DIP2C: variants seen among roughly 807,000 people sequenced by gnomAD.
DIP2C encodes the protein DIP2 acetate--CoA ligase C (putative).
In DIP2C, 33 loss-of-function variants were observed where a neutral mutation model predicts 192.4. The observed-to-expected ratio is 0.17, with a 90% CI of 0.13 to 0.23. DIP2C has a LOEUF of 0.23. DIP2C is among the 10% of genes least tolerant of loss of function. DIP2C has a pLI of 1.00. For synonymous variants in DIP2C, 979 were observed against 864.1 expected (o/e 1.13, Z -2.33); for missense variants, 1,537 against 2,110.1 (o/e 0.73, Z 5.32).
Position 329,458 on chromosome 10 carries a change from A to T in DIP2C, c.3728T>A (p.Leu1243Gln), listed in dbSNP as rs1957405005. 1 of 1,614,028 alleles carries T rather than the reference A, an allele frequency of 6.2e-7. No individual in the cohort carries two copies. Among genetic ancestry groups the T allele is most frequent in the African/African-American group, 1.3e-5 (1 of 75,046 alleles). The change falls in exon 30 of 37, where the codon CTG (leucine) becomes CAG (glutamine). Residue 1243 changes from leucine (L) to glutamine (Q), a missense_variant. Leu to Gln is a moderately radical substitution (Grantham distance 113). Coordinates refer to ENST00000280886, the MANE Select transcript of DIP2C (RefSeq NM_014974.3). ...YSVMELCTKG[L>Q]GSQTESLKAR... Reference sequence around the variant, plus strand: ...CTTGAGGGACTCTGTTTGCGAGCCCAGCCCCTTGGTGCACAGCTCCATCAC... The same window carrying T: ...CTTGAGGGACTCTGTTTGCGAGCCCTGCCCCTTGGTGCACAGCTCCATCAC...
In DIP2C at chr10:392,553, C is replaced by T. The variant is rs1052684756; in HGVS notation, c.1261-1690G>A. ...AGGCTGGGCCTGCTGCTCCTCCGCACGTGTAGAGTGCCCCCCGCGGCCCCG... is the reference window on the plus strand; with the variant it reads ...AGGCTGGGCCTGCTGCTCCTCCGCATGTGTAGAGTGCCCCCCGCGGCCCCG... On this transcript the variant is annotated intron_variant, in intron 10 of 36. Transcript: ENST00000280886. Among the ~76,000 whole-genome samples, 7 of 152,226 alleles carry T rather than the reference C, an allele frequency of 4.6e-5. No homozygotes were observed. The East Asian group carries it at 1.3e-3, about 29-fold the overall frequency.
chr10:336,870 T>TGTGTTGTGGAG (rs1957796111), intron 29 of DIP2C, among the ~76,000 whole-genome samples: 1 of 145,604 alleles, frequency 6.9e-6, no homozygotes, highest in Non-Finnish European at 1.5e-5. Flanking sequence ...CTGGTGTGTG[T>TGTGTTGTGGAG]GCGCGTGTTG....
At chr10:557,718 AG>A (rs1848963025) in intron 1 of DIP2C, among the ~76,000 whole-genome samples, 2 of 45,246 alleles carry the variant, frequency 4.4e-5, no homozygotes, top group Non-Finnish European at 8.0e-5. Context: ...GGGGATGGGC[AG>A]GGCAGGGGAG....
At chr10:573,598 T>C (rs989634258) in intron 1 of DIP2C, among the ~76,000 whole-genome samples, 1 of 152,092 alleles carries the variant, frequency 6.6e-6, no homozygotes, top group African/African-American at 2.4e-5. Context: ...TCAGTAGAGA[T>C]GGGGTTTCAC....
intron 1 of DIP2C, among the ~76,000 whole-genome samples, chr10:610,524 A>C (rs1853020148): frequency 1.3e-5 from 2 of 152,262 alleles, no homozygotes; most frequent in African/African-American, 4.8e-5. Context: ...CAATATAGGG[A>C]CGTATCAAGG....
chr10:616,304 G>T (rs951325925), intron 1 of DIP2C, among the ~76,000 whole-genome samples: 5 of 152,198 alleles, frequency 3.3e-5, no homozygotes, highest in African/African-American at 1.2e-4. Flanking sequence ...AGACAAGCAT[G>T]AATGAAAACT....
At chr10:559,827 A>AG (rs1256762930) in intron 1 of DIP2C, among the ~76,000 whole-genome samples, 1 of 152,204 alleles carries the variant, frequency 6.6e-6, no homozygotes, top group Non-Finnish European at 1.5e-5. Flanking sequence ...GCCCCTGCTC[A>AG]GGGTTCAGCA....
intron 1 of DIP2C, among the ~76,000 whole-genome samples, chr10:643,217 CAA>C (rs59131339): frequency 2.0e-5 from 2 of 99,602 alleles, no homozygotes; most frequent in African/African-American, 3.2e-5. Context: ...GACTCCGTCT[CAA>C]AAAAAAAAAA....
At chr10:426,121 G>T (rs1397240349) in intron 4 of DIP2C, among the ~76,000 whole-genome samples, 3 of 152,282 alleles carry the variant, frequency 2.0e-5, no homozygotes, top group Admixed American at 2.0e-4. Flanking sequence ...AAAACGGCAA[G>T]AAGTCCATCA....
intron 1 of DIP2C, chr10:668,431 A>C (rs1292379041): frequency 6.6e-6 from 1 of 152,238 alleles, no homozygotes; most frequent in Non-Finnish European, 1.5e-5. Flanking sequence ...CCCATACAAC[A>C]TACAATACAT....
At chr10:508,312 G>C (rs1009338771) in intron 1 of DIP2C, among the ~76,000 whole-genome samples, 1 of 152,182 alleles carries the variant, frequency 6.6e-6, no homozygotes, top group African/African-American at 2.4e-5. Context: ...TGCAGCCTGG[G>C]CGCAGATCCA....
intron 1 of DIP2C, among the ~76,000 whole-genome samples, chr10:551,436 G>C (rs899964412): frequency 3.3e-5 from 5 of 152,190 alleles, no homozygotes; most frequent in African/African-American, 1.2e-4. Flanking sequence ...GTCTGCACTC[G>C]GCTTCTCCTG....
intron 2 of DIP2C, among the ~76,000 whole-genome samples, chr10:475,964 G>T (rs761353271): frequency 6.6e-6 from 1 of 152,180 alleles, no homozygotes; most frequent in Non-Finnish European, 1.5e-5. Flanking sequence ...TCACTAAGAC[G>T]CATGACTGCA....
chr10:604,463 G>A (rs369814584), intron 1 of DIP2C, among the ~76,000 whole-genome samples: 9 of 152,332 alleles, frequency 5.9e-5, no homozygotes, highest in East Asian at 3.9e-4. Context: ...AGTCGGAGAG[G>A]CCAAGCAATA....
At chr10:385,190 C>A (rs920155638) in intron 14 of DIP2C, among the ~76,000 whole-genome samples, 5 of 151,830 alleles carry the variant, frequency 3.3e-5, no homozygotes, top group Non-Finnish European at 5.9e-5. Flanking sequence ...ACCACGGACA[C>A]CGGGCTGCAC....
intron 1 of DIP2C, among the ~76,000 whole-genome samples, chr10:547,771 T>TA (rs973374148): frequency 6.6e-6 from 1 of 152,174 alleles, no homozygotes; most frequent in Admixed American, 6.5e-5. Context: ...ATACATGTGA[T>TA]AAAATCTCAG....
intron 1 of DIP2C, among the ~76,000 whole-genome samples, chr10:519,764 T>C (rs1442642261): frequency 6.6e-6 from 1 of 152,262 alleles, no homozygotes; most frequent in Admixed American, 6.5e-5. Flanking sequence ...TTTCTCTGCA[T>C]GTCTAGTTAC....
At chr10:626,444 C>T (rs958885192) in intron 1 of DIP2C, among the ~76,000 whole-genome samples, 5 of 148,570 alleles carry the variant, frequency 3.4e-5, no homozygotes, top group Middle Eastern at 3.6e-3. Context: ...TACCCTCCGT[C>T]CCCCCGTCCC....
chr10:301,785 T>C (rs3123233), intron 32 of DIP2C, among the ~76,000 whole-genome samples: 150,297 of 152,276 alleles, frequency 0.99, 74,198 homozygotes, highest in Middle Eastern at 1. Flanking sequence ...TGCTCTCCTT[T>C]CACACACACA....
Sources: gnomAD v4.1 joint callset for allele counts (sites outside exome capture counted in the v4.1 genomes callset) on GRCh38, gnomAD v4.1.1 for gene constraint, MANE v1.5 for transcripts, NCBI Gene and HGNC (gene_info 2026-07-23, HGNC 2026-07-21) for gene names.